The following HMG20A variants were observed in gnomAD, a reference collection of about 807,000 sequenced individuals.
HMG20A encodes the protein high mobility group protein 20A.
HMG20A carries 17 observed loss-of-function variants against 43.9 expected under a neutral mutation model. The observed-to-expected ratio is 0.39, with a 90% CI of 0.27 to 0.58. The LOEUF (loss-of-function observed/expected upper bound fraction) is 0.58. HMG20A is among the 20% of genes least tolerant of loss of function. The pLI, the probability that HMG20A is intolerant of heterozygous loss-of-function variation, is 0.59. For missense variants in HMG20A, 341 were observed against 438.2 expected (o/e 0.78, Z 1.98); for synonymous variants, 132 against 147.5 (o/e 0.89, Z 0.76).
At chr15:77,465,260 C>CAAAAAAAAAAAAAAAA (rs71145837) in intron 3 of HMG20A, among the ~76,000 whole-genome samples, 1 of 59,208 alleles carries the variant, frequency 1.7e-5, no homozygotes, top group Non-Finnish European at 2.7e-5. Flanking sequence ...GACTTCGTCT[C>CAAAAAAAAAAAAAAAA]AAAAAAAAAA....
At chr15:77,448,981 A>G (rs62007313) in intron 1 of HMG20A, among the ~76,000 whole-genome samples, 16,295 of 152,058 alleles carry the variant, frequency 0.11, 967 homozygotes, top group African/African-American at 0.13. Context: ...ACCAGGAGGT[A>G]GGGGTTGCAG....
intron 1 of HMG20A, among the ~76,000 whole-genome samples, chr15:77,453,141 G>A (rs896818651): frequency 2.0e-5 from 3 of 152,148 alleles, no homozygotes; most frequent in African/African-American, 7.2e-5. Context: ...TGAAGCACAA[G>A]AATCGCTTGA....
At chr15:77,464,495 G>A (rs942781679) in intron 3 of HMG20A, 108 bp downstream of exon 3, 3 of 1,111,960 alleles carry the variant, frequency 2.7e-6, no homozygotes, top group Non-Finnish European at 3.8e-6. Context: ...TATATTCTTA[G>A]GCTGATACCT....
chr15:77,438,392 G>A (rs955091103), intron 1 of HMG20A, among the ~76,000 whole-genome samples: 2 of 151,964 alleles, frequency 1.3e-5, no homozygotes, highest in South Asian at 2.1e-4. Flanking sequence ...AACTATTTTA[G>A]TCACATAAAT....
the HMG20A span, among the ~76,000 whole-genome samples, chr15:77,495,243 G>A: frequency 6.6e-6 from 1 of 152,196 alleles, no homozygotes; most frequent in Non-Finnish European, 1.5e-5. Context: ...TGCAGGCCCA[G>A]TAGCTTCCAA....
chr15:77,458,528 C>T, intron 2 of HMG20A, 32 bp downstream of exon 2: 1 of 1,407,110 alleles, frequency 7.1e-7, no homozygotes, highest in Non-Finnish European at 1.0e-6. Context: ...CTGGACTTCT[C>T]CATAGGCCTC....
chr15:77,486,011 C>T (rs373453865), downstream of HMG20A, among the ~76,000 whole-genome samples: 7 of 152,254 alleles, frequency 4.6e-5, no homozygotes, highest in African/African-American at 1.4e-4. Flanking sequence ...TTAATCATGA[C>T]ATCTGTTATG....
intron 1 of HMG20A, among the ~76,000 whole-genome samples, chr15:77,445,457 C>T (rs993207234): frequency 2.0e-5 from 3 of 152,222 alleles, no homozygotes; most frequent in African/African-American, 7.2e-5. Context: ...CGGTAGGATG[C>T]CCGAAACCAT....
the HMG20A span, among the ~76,000 whole-genome samples, chr15:77,498,198 C>G: frequency 6.6e-6 from 1 of 152,146 alleles, no homozygotes; most frequent in South Asian, 2.1e-4. Context: ...TCCAGAAAGA[C>G]TTCATTACCG....
At chr15:77,479,473 A>G in intron 9 of HMG20A, 152 bp downstream of exon 9, 1 of 687,768 alleles carries the variant, frequency 1.5e-6, no homozygotes. Context: ...TGTTAAATGT[A>G]GTAAATAATA....
intron 1 of HMG20A, among the ~76,000 whole-genome samples, chr15:77,434,870 C>G (rs1479314980): frequency 3.3e-5 from 5 of 152,166 alleles, no homozygotes; most frequent in Non-Finnish European, 5.9e-5. Context: ...TCTGACCCAG[C>G]TGTTCCTAGG....
intron 1 of HMG20A, among the ~76,000 whole-genome samples, chr15:77,448,296 T>G (rs2073697520): frequency 6.6e-6 from 1 of 152,210 alleles, no homozygotes; most frequent in Admixed American, 6.5e-5. Context: ...TAGCCCCGGT[T>G]AGCTTTCAGA....
chr15:77,449,623 T>C (rs918881317), intron 1 of HMG20A, among the ~76,000 whole-genome samples: 3 of 152,166 alleles, frequency 2.0e-5, no homozygotes, highest in African/African-American at 7.2e-5. Context: ...AAATATATAA[T>C]ATGGCAATTT....
chr15:77,453,770 A>G (rs1387146859), intron 1 of HMG20A, among the ~76,000 whole-genome samples: 2 of 152,246 alleles, frequency 1.3e-5, no homozygotes, highest in Admixed American at 6.5e-5. Flanking sequence ...GATACACGCT[A>G]CAATGTGAAC....
intron 1 of HMG20A, among the ~76,000 whole-genome samples, chr15:77,426,687 A>G (rs190000045): frequency 3.2e-4 from 49 of 152,204 alleles, no homozygotes; most frequent in Admixed American, 1.4e-3. Flanking sequence ...AATATACACT[A>G]AAGGGGTCAG....
intron 4 of HMG20A, among the ~76,000 whole-genome samples, chr15:77,469,675 GTT>G: frequency 6.6e-6 from 1 of 151,940 alleles, no homozygotes; most frequent in Non-Finnish European, 1.5e-5. Context: ...TTGTTTGTTT[GTT>G]TGTTTTTTGA....
At chr15:77,449,920 A>C (rs867927410) in intron 1 of HMG20A, among the ~76,000 whole-genome samples, 1 of 152,168 alleles carries the variant, frequency 6.6e-6, no homozygotes, top group Middle Eastern at 3.4e-3. Flanking sequence ...AGAAAGTTTC[A>C]CTGCCCTAAA....
intron 3 of HMG20A, among the ~76,000 whole-genome samples, chr15:77,466,767 C>T (rs1306500751): frequency 6.6e-6 from 1 of 152,186 alleles, no homozygotes; most frequent in Non-Finnish European, 1.5e-5. Flanking sequence ...GTGGGACAGT[C>T]ATATGCATAT....
chr15:77,496,345 T>C, the HMG20A span, among the ~76,000 whole-genome samples: 1 of 152,044 alleles, frequency 6.6e-6, no homozygotes, highest in Non-Finnish European at 1.5e-5. Flanking sequence ...TGCGAGAAAA[T>C]GTGGACATTT....
Sources: allele counts gnomAD v4.1 joint callset (sites outside exome capture counted in the v4.1 genomes callset), GRCh38; gene constraint gnomAD v4.1.1; transcripts MANE v1.5; gene names NCBI Gene and HGNC (gene_info 2026-07-23, HGNC 2026-07-21).